EIF4G3: variants seen among roughly 807,000 people sequenced by gnomAD.
EIF4G3 encodes eukaryotic translation initiation factor 4 gamma 3, also known as eIF-4-gamma 3.
A neutral mutation model predicts 186.4 loss-of-function variants in EIF4G3; 34 were observed. That is an observed-to-expected ratio of 0.18 (90% CI 0.14 to 0.24). EIF4G3 has a LOEUF of 0.24. EIF4G3 is among the 10% of genes least tolerant of loss of function. EIF4G3 has a pLI of 1.00. For synonymous variants in EIF4G3, 673 were observed against 679.5 expected (o/e 0.99, Z 0.15); for missense variants, 1,536 against 1,948.5 (o/e 0.79, Z 3.99).
chr1:20,813,647 A>C (rs2059724501), intron 34 of EIF4G3, among the ~76,000 whole-genome samples: 1 of 151,918 alleles, frequency 6.6e-6, no homozygotes, highest in Non-Finnish European at 1.5e-5. Flanking sequence ...AGGATGGATC[A>C]CCTGAGGTCA....
chr1:21,019,417 A>T (rs1020951315), intron 4 of EIF4G3, among the ~76,000 whole-genome samples: 18 of 152,240 alleles, frequency 1.2e-4, no homozygotes, highest in Non-Finnish European at 2.5e-4. Flanking sequence ...AGTATATTCC[A>T]CATGAAACTC....
At chr1:20,887,187 T>C (rs2084459212) in intron 18 of EIF4G3, among the ~76,000 whole-genome samples, 1 of 152,006 alleles carries the variant, frequency 6.6e-6, no homozygotes, top group Non-Finnish European at 1.5e-5. Flanking sequence ...TGATATATCA[T>C]TCTGTTAGTG....
chr1:21,072,513 C>A (rs1319041095), intron 3 of EIF4G3, among the ~76,000 whole-genome samples: 3 of 152,108 alleles, frequency 2.0e-5, no homozygotes, highest in Non-Finnish European at 2.9e-5. Flanking sequence ...ACGCCATTCT[C>A]CTGCCTCAGC....
In EIF4G3 at chr1:20,807,491, C is replaced by A; in HGVS notation, c.4754G>T (p.Arg1585Leu). ...VKLDQPANLL[R>L]MFFDCLYDEE... The stretch of plus-strand genomic sequence containing the variant: ...GTCATATAGACAATCAAAAAACATC[C>A]GCAGCAAATCTGCAAGGAGGTGAAA... Residue 1585 changes from arginine to leucine, a missense_variant, in exon 37 of 37, where the codon CGG becomes CTG. Physicochemically the swap from Arg to Leu is moderately radical, Grantham distance 102. Around this residue, in one of 11 missense-constraint regions of EIF4G3, gnomAD observed 45 missense variants for 99.1 expected, o/e 0.45. Coordinates refer to ENST00000602326, the MANE Select transcript of EIF4G3 (RefSeq NM_001391906.1). The A allele has an allele frequency of 6.3e-7, 1 of 1,583,540 alleles. No individual in the cohort carries two copies. The highest frequency in any genetic ancestry group is 8.6e-7 in the Non-Finnish European group (1 of 1,159,794).
chr1:21,065,151 CAG>C (rs1473187422), intron 3 of EIF4G3, among the ~76,000 whole-genome samples: 2 of 152,066 alleles, frequency 1.3e-5, no homozygotes, highest in East Asian at 3.8e-4. Context: ...TAATAAATCT[CAG>C]ATTTTAGTAT....
At chr1:20,894,217 A>C (rs1366733149) in intron 17 of EIF4G3, among the ~76,000 whole-genome samples, 1 of 152,206 alleles carries the variant, frequency 6.6e-6, no homozygotes, top group Non-Finnish European at 1.5e-5. Context: ...GGACAACATA[A>C]AGTTAAGCAG....
intron 12 of EIF4G3, among the ~76,000 whole-genome samples, chr1:20,960,928 G>C (rs989589190): frequency 6.6e-6 from 1 of 152,094 alleles, no homozygotes; most frequent in African/African-American, 2.4e-5. Flanking sequence ...TCACCCAAAA[G>C]AAACGTGTAC....
chr1:20,879,178 T>C, intron 20 of EIF4G3, 145 bp downstream of exon 20: 1 of 583,852 alleles, frequency 1.7e-6, no homozygotes, highest in Non-Finnish European at 2.6e-6. Flanking sequence ...AGATTGTCTT[T>C]AATAATGAGA....
intron 2 of EIF4G3, among the ~76,000 whole-genome samples, chr1:21,157,702 C>T (rs142594150): frequency 6.6e-6 from 1 of 152,292 alleles, no homozygotes; most frequent in South Asian, 2.1e-4. Flanking sequence ...TAAATATTTG[C>T]TCCATTAATT....
intron 14 of EIF4G3, among the ~76,000 whole-genome samples, chr1:20,908,197 G>C (rs2092589778): frequency 6.6e-6 from 1 of 152,060 alleles, no homozygotes; most frequent in Admixed American, 6.5e-5. Flanking sequence ...GTCTTCTTTT[G>C]AGAAGTGTCT....
chr1:21,021,737 G>C (rs1471302631), intron 4 of EIF4G3, among the ~76,000 whole-genome samples: 2 of 151,972 alleles, frequency 1.3e-5, no homozygotes, highest in Non-Finnish European at 2.9e-5. Context: ...TGTATTTTTA[G>C]TAGAGACAGG....
intron 2 of EIF4G3, among the ~76,000 whole-genome samples, chr1:21,093,030 A>G (rs1343354580): frequency 6.6e-6 from 1 of 152,234 alleles, no homozygotes; most frequent in Non-Finnish European, 1.5e-5. Context: ...CATTCAGGAC[A>G]CAGGCATGGG....
intron 23 of EIF4G3, 82 bp from the exon 24 acceptor site, chr1:20,860,599 G>GA: frequency 6.8e-7 from 1 of 1,467,476 alleles, no homozygotes; most frequent in South Asian, 1.3e-5. Context: ...TTTACTACTG[G>GA]AAAAGTACAA....
intron 12 of EIF4G3, among the ~76,000 whole-genome samples, chr1:20,953,391 G>C (rs893414079): frequency 5.9e-5 from 9 of 152,168 alleles, no homozygotes; most frequent in African/African-American, 2.2e-4. Context: ...TTAGATTCCT[G>C]ATAGTGTTTG....
intron 3 of EIF4G3, among the ~76,000 whole-genome samples, chr1:21,077,599 G>A (rs1438206847): frequency 6.6e-6 from 1 of 151,170 alleles, no homozygotes; most frequent in Non-Finnish European, 1.5e-5. Flanking sequence ...AAAAAAAACG[G>A]GCCGGGCGTG....
chr1:21,053,927 TGAG>T (rs1220325203), intron 3 of EIF4G3, among the ~76,000 whole-genome samples: 1 of 147,914 alleles, frequency 6.8e-6, no homozygotes, highest in East Asian at 2.0e-4. Flanking sequence ...TACTGGGAAG[TGAG>T]GAGCCCCTCT....
At chr1:20,911,801 T>A (rs1031238448) in intron 14 of EIF4G3, among the ~76,000 whole-genome samples, 1 of 152,042 alleles carries the variant, frequency 6.6e-6, no homozygotes, top group Non-Finnish European at 1.5e-5. Flanking sequence ...AAGAGATCTT[T>A]ATTTTCCTTT....
At chr1:21,153,056 T>C (rs1230410050) in intron 2 of EIF4G3, among the ~76,000 whole-genome samples, 1 of 152,226 alleles carries the variant, frequency 6.6e-6, no homozygotes, top group Non-Finnish European at 1.5e-5. Context: ...TTCCCTCCTT[T>C]CTCAAATCTA....
chr1:21,138,481 C>T (rs1265934226), intron 2 of EIF4G3, among the ~76,000 whole-genome samples: 1 of 152,140 alleles, frequency 6.6e-6, no homozygotes, highest in African/African-American at 2.4e-5. Context: ...TCAGAAGGTT[C>T]AGCACAGACC....
Sources: gnomAD v4.1 joint callset for allele counts (sites outside exome capture counted in the v4.1 genomes callset) on GRCh38, gnomAD v4.1.1 for gene constraint, gnomAD v4.1.1 regional missense constraint, MANE v1.5 for transcripts, NCBI Gene and HGNC (gene_info 2026-07-23, HGNC 2026-07-21) for gene names.